Variants in LINC00305 observed in about 807,000 individuals in gnomAD.
The protein encoded by LINC00305 is long intergenic non-protein coding RNA 305.
chr18:64,088,026 G>A (rs534827295), intron 3 of LINC00305, among the ~76,000 whole-genome samples: 5 of 152,312 alleles, frequency 3.3e-5, no homozygotes, highest in African/African-American at 1.2e-4. Context: ...GGGAGGCTGA[G>A]GTGAGAGAAT....
At chr18:64,134,943 C>T (rs72949527) in intron 1 of LINC00305, among the ~76,000 whole-genome samples, 10,727 of 152,198 alleles carry the variant, frequency 0.07, 571 homozygotes, top group Non-Finnish European at 0.11. Flanking sequence ...TGTCTGCATT[C>T]GTTTGCTTGA....
intron 1 of LINC00305, among the ~76,000 whole-genome samples, chr18:64,115,731 T>C (rs1376969899): frequency 2.0e-5 from 3 of 152,086 alleles, no homozygotes; most frequent in African/African-American, 4.8e-5. Flanking sequence ...TTTAAATAAG[T>C]ATTTACTTTT....
At chr18:64,138,779 T>C (rs1398367784) in intron 1 of LINC00305, among the ~76,000 whole-genome samples, 5 of 152,204 alleles carry the variant, frequency 3.3e-5, no homozygotes, top group South Asian at 2.1e-4. Context: ...TTCTGATGCT[T>C]GTCAGCTTCT....
chr18:64,143,617 C>CACGTATTATGCGT (rs2051478683), intron 1 of LINC00305, among the ~76,000 whole-genome samples: 1 of 115,036 alleles, frequency 8.7e-6, no homozygotes, highest in Non-Finnish European at 1.9e-5. Flanking sequence ...TACATATGTA[C>CACGTATTATGCGT]ACATATGTAT....
At chr18:64,114,093 C>A (rs934184732) in intron 1 of LINC00305, among the ~76,000 whole-genome samples, 2 of 152,064 alleles carry the variant, frequency 1.3e-5, no homozygotes, top group African/African-American at 4.8e-5. Context: ...CTCGGTGAAA[C>A]CCCGTCTCTA....
chr18:64,125,663 T>C (rs1269190467), intron 1 of LINC00305, among the ~76,000 whole-genome samples: 1 of 152,082 alleles, frequency 6.6e-6, no homozygotes, highest in Admixed American at 6.6e-5. Flanking sequence ...TGTCCTGTTA[T>C]CCTCCTTTCC....
intron 1 of LINC00305, among the ~76,000 whole-genome samples, chr18:64,118,413 C>G (rs2051347267): frequency 1.3e-5 from 2 of 152,038 alleles, no homozygotes; most frequent in African/African-American, 4.8e-5. Context: ...CAAAGAAGTG[C>G]TATGAAGAGA....
At chr18:64,114,132 T>C (rs1400704704) in intron 1 of LINC00305, among the ~76,000 whole-genome samples, 2 of 151,888 alleles carry the variant, frequency 1.3e-5, no homozygotes, top group Non-Finnish European at 2.9e-5. Context: ...TAGCCGGGCG[T>C]GGTGGCGGGC....
intron 1 of LINC00305, among the ~76,000 whole-genome samples, chr18:64,116,894 G>A (rs1447602403): frequency 6.6e-6 from 1 of 152,146 alleles, no homozygotes; most frequent in Non-Finnish European, 1.5e-5. Flanking sequence ...GGGTGGAAAT[G>A]GTCCCCTTCT....
intron 1 of LINC00305, among the ~76,000 whole-genome samples, chr18:64,117,683 C>G (rs1232518212): frequency 6.6e-6 from 1 of 152,118 alleles, no homozygotes; most frequent in Non-Finnish European, 1.5e-5. Context: ...CCTTTTACCC[C>G]ACTGGTTCAC....
intron 1 of LINC00305, among the ~76,000 whole-genome samples, chr18:64,134,312 ACAG>A (rs1326326175): frequency 6.6e-6 from 1 of 152,204 alleles, no homozygotes; most frequent in African/African-American, 2.4e-5. Flanking sequence ...TAGCAGGAAA[ACAG>A]CAGGCAAATC....
At chr18:64,146,609 G>A (rs1273835755) in intron 1 of LINC00305, among the ~76,000 whole-genome samples, 2 of 152,182 alleles carry the variant, frequency 1.3e-5, no homozygotes, top group Non-Finnish European at 2.9e-5. Flanking sequence ...CACCAGCGGG[G>A]CTTCTGTGGG....
intron 1 of LINC00305, among the ~76,000 whole-genome samples, chr18:64,124,661 T>C (rs976113081): frequency 9.2e-5 from 14 of 152,168 alleles, no homozygotes; most frequent in African/African-American, 2.4e-4. Flanking sequence ...TAAAATCTTA[T>C]TAATCATTTA....
intron 1 of LINC00305, among the ~76,000 whole-genome samples, chr18:64,118,149 G>T (rs546581511): frequency 6.6e-6 from 1 of 152,160 alleles, no homozygotes; most frequent in South Asian, 2.1e-4. Context: ...TATTTGTTTT[G>T]GACAAATAAA....
intron 3 of LINC00305, among the ~76,000 whole-genome samples, chr18:64,086,567 GA>G (rs1196069431): frequency 1.4e-4 from 21 of 152,218 alleles, no homozygotes; most frequent in African/African-American, 4.3e-4. Flanking sequence ...TACCCATCAG[GA>G]TTGGGAAAGT....
chr18:64,145,799 C>T (rs945927018), intron 1 of LINC00305, among the ~76,000 whole-genome samples: 1 of 152,130 alleles, frequency 6.6e-6, no homozygotes, highest in Admixed American at 6.5e-5. Flanking sequence ...TTAATGAAGT[C>T]TCTGGGTTTT....
At chr18:64,112,226 T>C (rs1458229219) in intron 1 of LINC00305, among the ~76,000 whole-genome samples, 2 of 151,332 alleles carry the variant, frequency 1.3e-5, no homozygotes, top group Non-Finnish European at 2.9e-5. Context: ...TATTCAGAAA[T>C]ATGGATTGAA....
chr18:64,088,994 C>T (rs550317342), intron 3 of LINC00305, among the ~76,000 whole-genome samples: 59 of 152,258 alleles, frequency 3.9e-4, no homozygotes, highest in Middle Eastern at 6.8e-3. Flanking sequence ...ACAGAGCTAC[C>T]TGTGGTGAGC....
At chr18:64,143,818 TAC>T (rs1167413013) in intron 1 of LINC00305, among the ~76,000 whole-genome samples, 2 of 149,592 alleles carry the variant, frequency 1.3e-5, no homozygotes, top group East Asian at 2.0e-4. Flanking sequence ...TATACATATA[TAC>T]ACAGAGATAA....
Sources: allele counts gnomAD v4.1 joint callset (sites outside exome capture counted in the v4.1 genomes callset), GRCh38; gene constraint gnomAD v4.1.1; transcripts MANE v1.5; gene names NCBI Gene and HGNC (gene_info 2026-07-23, HGNC 2026-07-21).